TMEM65: variants seen among roughly 807,000 people sequenced by gnomAD.
TMEM65 encodes the protein transmembrane protein 65.
A neutral mutation model predicts 25.4 loss-of-function variants in TMEM65; 22 were observed. The ratio of observed to expected loss-of-function variants is 0.86; its 90% CI spans 0.62 to 1.23. The LOEUF (loss-of-function observed/expected upper bound fraction) is 1.23, where lower values mean the gene tolerates loss of function less well. TMEM65 is among the 50% of genes most tolerant of loss of function. TMEM65 has a pLI of 0.00. For synonymous variants in TMEM65, 132 were observed against 126.2 expected (o/e 1.05, Z -0.31); for missense variants, 262 against 308.2 (o/e 0.85, Z 1.12).
intron 2 of TMEM65, among the ~76,000 whole-genome samples, chr8:124,329,021 T>C (rs1814400422): frequency 6.6e-6 from 1 of 151,972 alleles, no homozygotes; most frequent in African/African-American, 2.4e-5. Context: ...ATTATAGCTA[T>C]ACAATATTAT....
chr8:124,357,628 G>A (rs926292928), intron 1 of TMEM65, among the ~76,000 whole-genome samples: 2 of 151,962 alleles, frequency 1.3e-5, no homozygotes, highest in Admixed American at 6.6e-5. Context: ...CAAACACACA[G>A]GAGATACAGG....
chr8:124,324,189 A>G (rs1814339103), intron 3 of TMEM65, among the ~76,000 whole-genome samples: 1 of 152,124 alleles, frequency 6.6e-6, no homozygotes, highest in African/African-American at 2.4e-5. Flanking sequence ...ATGCTTGAAC[A>G]TTTCTAAAAA....
At chr8:124,344,601 T>G (rs777086756) in intron 1 of TMEM65, among the ~76,000 whole-genome samples, 2 of 152,210 alleles carry the variant, frequency 1.3e-5, no homozygotes, top group Non-Finnish European at 2.9e-5. Context: ...TCTGGTATGA[T>G]AGAAAGTCAG....
chr8:124,371,970 A>G lies in TMEM65; in HGVS notation c.188T>C (p.Met63Thr). 6.7e-7 allele frequency: 1 copy of G among 1,490,904 alleles called. No homozygotes were observed. The highest frequency in any genetic ancestry group is 8.9e-7 in the Non-Finnish European group (1 of 1,122,478). The allele number at this position is 1,490,904 out of a possible 1,614,324, so 92.4% of individuals were successfully genotyped here. A position where few individuals can be genotyped will look rare whatever the true frequency, so the allele number is the denominator to read the frequency against. Residue 63 changes from methionine to threonine, a missense_variant, in exon 1 of 7, where the codon ATG (methionine) becomes ACG (threonine). Coordinates refer to ENST00000297632, the MANE Select transcript of TMEM65 (RefSeq NM_194291.3). ...GCCCTGCGCCGTGTTCAGCGCCTCC[A>G]TGGGCTCCTTCTTGGGGTGCGTGCC... ...RLGTHPKKEPMEALNTAQGAR... is the reference protein window; with the variant it reads ...RLGTHPKKEPTEALNTAQGAR...
At chr8:124,353,364 C>T (rs1231447700) in intron 1 of TMEM65, among the ~76,000 whole-genome samples, 1 of 151,602 alleles carries the variant, frequency 6.6e-6, no homozygotes, top group African/African-American at 2.4e-5. Context: ...GTTAGAAATA[C>T]GGAAAGTGAG....
At chr8:124,364,369 G>A (rs1240092276) in intron 1 of TMEM65, among the ~76,000 whole-genome samples, 2 of 152,164 alleles carry the variant, frequency 1.3e-5, no homozygotes, top group African/African-American at 4.8e-5. Flanking sequence ...CACTGAGGAG[G>A]AGGGAGGGGC....
At chr8:124,329,075 T>C (rs1408362878) in intron 2 of TMEM65, among the ~76,000 whole-genome samples, 2 of 151,136 alleles carry the variant, frequency 1.3e-5, no homozygotes, top group Non-Finnish European at 2.9e-5. Context: ...ATTTAAAATT[T>C]CGTCTTGTTT....
chr8:124,325,764 T>C (rs1193995934), intron 3 of TMEM65, among the ~76,000 whole-genome samples: 1 of 152,032 alleles, frequency 6.6e-6, no homozygotes, highest in East Asian at 1.9e-4. Context: ...AATTTGACTC[T>C]AGAATGTGGG....
chr8:124,346,798 A>C (rs1814644811), intron 1 of TMEM65, among the ~76,000 whole-genome samples: 2 of 152,194 alleles, frequency 1.3e-5, no homozygotes, highest in African/African-American at 4.8e-5. Flanking sequence ...ATTTATGAAA[A>C]TAATAGATAT....
intron 1 of TMEM65, among the ~76,000 whole-genome samples, chr8:124,361,231 C>G (rs910531591): frequency 6.6e-6 from 1 of 151,060 alleles, no homozygotes; most frequent in Non-Finnish European, 1.5e-5. Context: ...GTCAGGAGTT[C>G]AAGACCAGCC....
At chr8:124,365,353 TAG>T (rs1814924418) in intron 1 of TMEM65, among the ~76,000 whole-genome samples, 1 of 152,230 alleles carries the variant, frequency 6.6e-6, no homozygotes, top group Non-Finnish European at 1.5e-5. Context: ...GTTTATTTAA[TAG>T]AGAGGTGAAG....
In TMEM65 at chr8:124,372,491, C is replaced by A. The variant is rs1024729213; in HGVS notation, c.-334G>T. On this transcript the variant is annotated 5_prime_UTR_variant, in exon 1 of 7. Coordinates refer to ENST00000297632, the MANE Select transcript of TMEM65 (RefSeq NM_194291.3). ...GGAGGAGCGGCGCGGGCGGGCGGGG[C>A]GGGCTAGTGTGTGTCTCTGTCAGTC... The A allele has an allele frequency of 6.4e-6, 1 of 157,450 alleles. No homozygotes were observed. The highest frequency in any genetic ancestry group is 2.4e-5 in the African/African-American group (1 of 41,478). The allele number at this position is 157,450 out of a possible 1,614,324, so 9.8% of individuals were successfully genotyped here.
In TMEM65 at chr8:124,314,186, C is replaced by T. The variant is rs575731018; in HGVS notation, c.622-125G>A. 2.4e-4 allele frequency: 171 copies of T among 707,748 alleles called. No individual in the cohort carries two copies. The Middle Eastern group carries it at 2.6e-3, about 11-fold the overall frequency. 43.8% of individuals were successfully genotyped at this position (707,748 alleles called of 1,614,324 possible). On this transcript the variant is annotated intron_variant, in intron 6 of 6. Coordinates refer to ENST00000297632, the MANE Select transcript of TMEM65 (RefSeq NM_194291.3). ...GCTACCCTTCATATATATTCCTCTTCAATATTTATCCCTGTGTATACCTAA... is the reference window on the plus strand; with the variant it reads ...GCTACCCTTCATATATATTCCTCTTTAATATTTATCCCTGTGTATACCTAA...
intron 3 of TMEM65, among the ~76,000 whole-genome samples, chr8:124,325,128 T>C (rs536320066): frequency 1.6e-4 from 24 of 152,072 alleles, no homozygotes; most frequent in Non-Finnish European, 2.1e-4. Context: ...TTTGAATTTG[T>C]TTTTACGACT....
At chr8:124,345,593 G>C (rs974667867) in intron 1 of TMEM65, among the ~76,000 whole-genome samples, 1 of 152,032 alleles carries the variant, frequency 6.6e-6, no homozygotes, top group Admixed American at 6.6e-5. Context: ...TATAGAGTGA[G>C]CTCTATTATT....
chr8:124,359,428 T>C (rs1422569796), intron 1 of TMEM65, among the ~76,000 whole-genome samples: 1 of 152,184 alleles, frequency 6.6e-6, no homozygotes, highest in Non-Finnish European at 1.5e-5. Flanking sequence ...CAGAAGTTTC[T>C]AAAAAAGATT....
chr8:124,329,630 TA>T lies in TMEM65; in HGVS notation c.349+1117del, dbSNP rs974334816. On this transcript the variant is annotated intron_variant, in intron 2 of 6. Transcript: ENST00000297632. ...TGTTTATACCTATATAAATATGTCC[TA>T]AAAATTATAATTTATTTTAACTAAA... Among the ~76,000 whole-genome samples, 43 of 152,054 alleles carry T rather than the reference TA, an allele frequency of 2.8e-4. 1 individual carries two copies. The highest frequency in any genetic ancestry group is 1.0e-3 in the African/African-American group (43 of 41,554).
chr8:124,368,547 C>A (rs1295488385), intron 1 of TMEM65, among the ~76,000 whole-genome samples: 3 of 152,354 alleles, frequency 2.0e-5, no homozygotes, highest in Middle Eastern at 6.8e-3. Flanking sequence ...TAGGTGCCCA[C>A]AGGTGCTGTC....
rs56006237 is a variant in TMEM65, at chr8:124,338,421, G to GTT, written c.305-7631_305-7630dup. Among the ~76,000 whole-genome samples, 1,408 of 151,244 alleles carry GTT rather than the reference G, an allele frequency of 9.3e-3. 26 individuals are homozygous for GTT. The highest frequency in any genetic ancestry group is 0.017 in the Middle Eastern group (5 of 292). On this transcript the variant is annotated intron_variant, in intron 1 of 6. Coordinates refer to ENST00000297632, the MANE Select transcript of TMEM65 (RefSeq NM_194291.3). ...GCAAGAGAGAATATATGTAAGGGTGGTTTTTTTTTATTTCTGCAAAATTCA... is the reference window on the plus strand; with the variant it reads ...GCAAGAGAGAATATATGTAAGGGTGGTTTTTTTTTTTATTTCTGCAAAATTCA...
Sources: gnomAD v4.1 joint callset for allele counts (sites outside exome capture counted in the v4.1 genomes callset) on GRCh38, gnomAD v4.1.1 for gene constraint, MANE v1.5 for transcripts, NCBI Gene and HGNC (gene_info 2026-07-23, HGNC 2026-07-21) for gene names.